Variants in ARHGAP15 observed in about 807,000 individuals in gnomAD.
ARHGAP15 encodes the protein Rho GTPase activating protein 15, also known as rho GTPase-activating protein 15.
A neutral mutation model predicts 63.7 loss-of-function variants in ARHGAP15; 51 were observed. The ratio of observed to expected loss-of-function variants is 0.80; its 90% confidence interval spans 0.64 to 1.01. The LOEUF is 1.01. Among genes scored for constraint, ARHGAP15 ranks in the 50% least tolerant of loss-of-function variants. The probability of loss-of-function intolerance (pLI) is 0.00; values close to 1 mark genes in which losing one functional copy is unlikely to be tolerated. For synonymous variants in ARHGAP15, 191 were observed against 193.8 expected, an observed-to-expected ratio of 0.99 and a Z score of 0.12; for missense variants, 560 against 564.6, an observed-to-expected ratio of 0.99 and a Z score of 0.08.
chr2:143,639,840 C>G (rs1272159250), intron 12 of ARHGAP15, among the ~76,000 whole-genome samples: 1 of 152,080 alleles, frequency 6.6e-6, no homozygotes, highest in Non-Finnish European at 1.5e-5. Flanking sequence ...AATACTATGT[C>G]TACTCACATT....
chr2:143,149,199 G>A (rs1019139040), intron 1 of ARHGAP15, among the ~76,000 whole-genome samples: 1 of 152,050 alleles, frequency 6.6e-6, no homozygotes, highest in Non-Finnish European at 1.5e-5. Context: ...GAATGGGGTT[G>A]TGTCACCAGA....
intron 12 of ARHGAP15, among the ~76,000 whole-genome samples, chr2:143,693,696 G>T (rs190740779): frequency 6.6e-6 from 1 of 151,996 alleles, no homozygotes; most frequent in Non-Finnish European, 1.5e-5. Flanking sequence ...TCCATACTAC[G>T]TATTAATGTA....
At chr2:143,449,091 G>A (rs533800895) in intron 8 of ARHGAP15, among the ~76,000 whole-genome samples, 152 of 152,010 alleles carry the variant, frequency 1.0e-3, no homozygotes, top group South Asian at 6.2e-4. Context: ...CCATGATTAC[G>A]GACTAAATGA....
At chr2:143,747,438 T>C (rs762290767) in intron 13 of ARHGAP15, among the ~76,000 whole-genome samples, 4 of 152,176 alleles carry the variant, frequency 2.6e-5, no homozygotes, top group Non-Finnish European at 5.9e-5. Flanking sequence ...GTACATTCTA[T>C]GGATTTTGAC....
intron 5 of ARHGAP15, among the ~76,000 whole-genome samples, chr2:143,230,841 C>A (rs1009987189): frequency 2.0e-5 from 3 of 152,256 alleles, no homozygotes; most frequent in East Asian, 1.9e-4. Context: ...TTCTCTTGCA[C>A]CCCCTTAGAA....
At chr2:143,318,024 A>G (rs760520353) in intron 6 of ARHGAP15, among the ~76,000 whole-genome samples, 2 of 150,908 alleles carry the variant, frequency 1.3e-5, no homozygotes, top group African/African-American at 2.4e-5. Context: ...TTTTTCTTTG[A>G]TAGAGTCTCT....
chr2:143,586,411 G>A (rs149875583), intron 11 of ARHGAP15, among the ~76,000 whole-genome samples: 107 of 151,528 alleles, frequency 7.1e-4, no homozygotes, highest in African/African-American at 2.5e-3. Context: ...TTTTTCTTGT[G>A]TACTGTAATC....
chr2:143,194,297 G>A (rs750124446), intron 2 of ARHGAP15, among the ~76,000 whole-genome samples: 26 of 152,022 alleles, frequency 1.7e-4, no homozygotes, highest in Non-Finnish European at 3.1e-4. Context: ...ATCCACCTAC[G>A]TTTTCTTAAT....
chr2:143,339,938 A>G (rs918283154), intron 6 of ARHGAP15, among the ~76,000 whole-genome samples: 6 of 152,302 alleles, frequency 3.9e-5, no homozygotes, highest in Non-Finnish European at 7.3e-5. Flanking sequence ...CCATAAATCA[A>G]TAAGGACCTT....
At chr2:143,756,394 T>C (rs1686577598) in intron 13 of ARHGAP15, among the ~76,000 whole-genome samples, 2 of 152,202 alleles carry the variant, frequency 1.3e-5, no homozygotes. Context: ...TAAATAGCTA[T>C]ATTGGACTAA....
At chr2:143,141,724 G>T (rs935882498) in intron 1 of ARHGAP15, among the ~76,000 whole-genome samples, 8 of 152,258 alleles carry the variant, frequency 5.3e-5, no homozygotes, top group African/African-American at 1.9e-4. Context: ...TGCAAATGCA[G>T]TCTCCTGGTT....
At chr2:143,548,962 A>G (rs1288595780) in intron 10 of ARHGAP15, among the ~76,000 whole-genome samples, 1 of 152,114 alleles carries the variant, frequency 6.6e-6, no homozygotes, top group Non-Finnish European at 1.5e-5. Flanking sequence ...TGCATAAATG[A>G]TAGTAGGAAT....
chr2:143,557,013 G>A (rs1695831879), intron 11 of ARHGAP15, among the ~76,000 whole-genome samples: 1 of 152,126 alleles, frequency 6.6e-6, no homozygotes, highest in South Asian at 2.1e-4. Context: ...TGGCCAAGAT[G>A]TGGAGCAACA....
intron 8 of ARHGAP15, among the ~76,000 whole-genome samples, chr2:143,483,954 A>G (rs866871488): frequency 7.2e-5 from 11 of 152,150 alleles, no homozygotes; most frequent in African/African-American, 2.7e-4. Flanking sequence ...ACAGGCGGCC[A>G]TGGTGGCTCA....
chr2:143,693,549 G>A (rs901617869), intron 12 of ARHGAP15, among the ~76,000 whole-genome samples: 3 of 152,114 alleles, frequency 2.0e-5, no homozygotes, highest in Non-Finnish European at 4.4e-5. Flanking sequence ...TTAAAAGGGA[G>A]GATTTGTTCA....
Position 143,438,362 on chromosome 2 carries a change from G to A in ARHGAP15, c.703+1320G>A, listed in dbSNP as rs146097933. On this transcript the variant is annotated intron_variant, in intron 8 of 13. Transcript: ENST00000295095. ...GAAATATATGTATATACACATACATGCACACAAAGACTCATACACATATGA... is the reference window on the plus strand; with the variant it reads ...GAAATATATGTATATACACATACATACACACAAAGACTCATACACATATGA... Among the ~76,000 whole-genome samples, 10 of 152,142 alleles carry A rather than the reference G, an allele frequency of 6.6e-5. No homozygotes were observed. The East Asian group carries it at 1.9e-3, about 29-fold the overall frequency.
At chr2:143,312,381 A>G (rs1000033046) in intron 6 of ARHGAP15, among the ~76,000 whole-genome samples, 2 of 151,934 alleles carry the variant, frequency 1.3e-5, no homozygotes, top group Non-Finnish European at 2.9e-5. Flanking sequence ...TTTTCTTCCA[A>G]TTTTTGTTTT....
chr2:143,335,985 TTTA>T (rs773843948), intron 6 of ARHGAP15, among the ~76,000 whole-genome samples: 27 of 151,596 alleles, frequency 1.8e-4, no homozygotes, highest in African/African-American at 5.8e-4. Context: ...ATAGTTTTTA[TTTA>T]TTATTATTAT....
At chr2:143,684,779 G>A (rs1683253466) in intron 12 of ARHGAP15, among the ~76,000 whole-genome samples, 1 of 152,182 alleles carries the variant, frequency 6.6e-6, no homozygotes, top group African/African-American at 2.4e-5. Flanking sequence ...AAGCAGTAGG[G>A]GTTGAGGGAA....
Sources: allele counts gnomAD v4.1 joint callset (sites outside exome capture counted in the v4.1 genomes callset), GRCh38; gene constraint gnomAD v4.1.1; transcripts MANE v1.5; gene names NCBI Gene and HGNC (gene_info 2026-07-23, HGNC 2026-07-21).